Variants in ERCC6L2 observed in about 807,000 individuals in gnomAD.
ERCC6L2 encodes DNA excision repair protein ERCC-6-like 2.
In ERCC6L2, 77 loss-of-function variants were observed where a neutral mutation model predicts 132.0. That is an observed-to-expected ratio of 0.58 (90% CI 0.49 to 0.71). The LOEUF (loss-of-function observed/expected upper bound fraction) is 0.71. Ranked by LOEUF, ERCC6L2 falls within the 30% of genes least tolerant of loss-of-function variation. ERCC6L2 has a pLI of 0.00. For missense variants in ERCC6L2, 1,542 were observed against 1,837.6 expected (o/e 0.84, Z 2.94); for synonymous variants, 583 against 632.4 (o/e 0.92, Z 1.17).
chr9:95,934,559 T>C (rs2132834559), intron 11 of ERCC6L2, among the ~76,000 whole-genome samples: 1 of 152,174 alleles, frequency 6.6e-6, no homozygotes, highest in African/African-American at 2.4e-5. Context: ...GACAAAACTT[T>C]TGGCTTCCAT....
rs907823124 is a variant in ERCC6L2, at chr9:96,018,090, G to A, written c.*4887G>A. On this transcript the variant is annotated 3_prime_UTR_variant, in exon 19 of 19. Transcript: ENST00000653738. ...TGGTTGCTAGACGCTGGAGGGAGGG[G>A]AGAAAGGGGAGTTATTAATGGGTGT... 6.6e-6 allele frequency among the ~76,000 whole-genome samples: 1 copy of A among 152,198 alleles called. No individual in the cohort carries two copies. Among genetic ancestry groups the A allele is most frequent in the African/African-American group, 2.4e-5 (1 of 41,444 alleles).
chr9:96,031,451 G>C (rs965239105), intron 19 of ERCC6L2, among the ~76,000 whole-genome samples: 6 of 152,202 alleles, frequency 3.9e-5, no homozygotes, highest in Admixed American at 3.9e-4. Flanking sequence ...CCAACATGAT[G>C]TATCTGCCAC....
At chr9:95,951,061 A>G (rs1831308287) in intron 12 of ERCC6L2, among the ~76,000 whole-genome samples, 3 of 152,202 alleles carry the variant, frequency 2.0e-5, no homozygotes, top group Admixed American at 2.0e-4. Context: ...TCCAGGATAA[A>G]TCATGTGTTA....
chr9:96,039,636 G>A (rs1834556069), intron 20 of ERCC6L2, among the ~76,000 whole-genome samples: 1 of 152,112 alleles, frequency 6.6e-6, no homozygotes, highest in African/African-American at 2.4e-5. Context: ...AGAGATTACA[G>A]GTGGTGAAGG....
intron 13 of ERCC6L2, among the ~76,000 whole-genome samples, chr9:95,964,789 T>A (rs1832078741): frequency 6.6e-6 from 1 of 152,176 alleles, no homozygotes; most frequent in Non-Finnish European, 1.5e-5. Context: ...TGAACATGAT[T>A]TCATTTTTAG....
In ERCC6L2 at chr9:96,004,652, A is replaced by G. The variant is rs775469684; in HGVS notation, c.3625A>G (p.Thr1209Ala). The G allele has an allele frequency of 6.7e-6, 9 of 1,339,876 alleles. No homozygotes were observed. Among genetic ancestry groups the G allele is most frequent in the South Asian group, 2.4e-5 (2 of 83,470 alleles). 83.0% of individuals were successfully genotyped at this position (1,339,876 alleles called of 1,614,324 possible). A position where few individuals can be genotyped will look rare whatever the true frequency, so the allele number is the denominator to read the frequency against. ...VNQKKKKVYH[T>A]NQTTFIIGET... Reference sequence around the variant, plus strand: ...CCAGAAGAAGAAAAAAGTCTACCATACAAACCAGACCACCTTCATAATTGG... The same window carrying G: ...CCAGAAGAAGAAAAAAGTCTACCATGCAAACCAGACCACCTTCATAATTGG... The change falls in exon 18 of 19, where the codon ACA (threonine) becomes GCA (alanine). Residue 1209 changes from threonine to alanine, a missense_variant. By Grantham distance (58) the Thr-to-Ala change is moderately conservative. Coordinates refer to ENST00000653738, the MANE Select transcript of ERCC6L2 (RefSeq NM_020207.7).
At chr9:95,905,352 G>C (rs1236243798) in intron 3 of ERCC6L2, among the ~76,000 whole-genome samples, 1 of 152,102 alleles carries the variant, frequency 6.6e-6, no homozygotes, top group Non-Finnish European at 1.5e-5. Flanking sequence ...ACCAATGTTT[G>C]TAAGAAATAT....
At chr9:96,027,101 C>T (rs1413741907) in intron 19 of ERCC6L2, among the ~76,000 whole-genome samples, 2 of 149,230 alleles carry the variant, frequency 1.3e-5, no homozygotes, top group Admixed American at 1.3e-4. Flanking sequence ...CCCACCACCC[C>T]ACACACTACA....
intron 19 of ERCC6L2, among the ~76,000 whole-genome samples, chr9:96,025,050 A>G (rs1003083681): frequency 1.3e-5 from 2 of 152,154 alleles, no homozygotes; most frequent in African/African-American, 4.8e-5. Context: ...TAGTTCCTGA[A>G]CCACTGGAAT....
intron 11 of ERCC6L2, among the ~76,000 whole-genome samples, chr9:95,941,220 A>G (rs1830783023): frequency 6.6e-6 from 1 of 152,158 alleles, no homozygotes; most frequent in Non-Finnish European, 1.5e-5. Flanking sequence ...AGCACAAACT[A>G]TTTACGTGGG....
Position 96,016,365 on chromosome 9 carries a change from C to T in ERCC6L2, c.*3162C>T, listed in dbSNP as rs1211010919. On this transcript the variant is annotated 3_prime_UTR_variant, in exon 19 of 19. Coordinates refer to ENST00000653738, the MANE Select transcript of ERCC6L2 (RefSeq NM_020207.7). ...TGAGATCATTTCTAAGAAAACCTTT[C>T]AACTTTGTTTCCATGATGCTACTTG... 6.6e-6 allele frequency among the ~76,000 whole-genome samples: 1 copy of T among 152,212 alleles called. No homozygotes were observed. The highest frequency in any genetic ancestry group is 2.4e-5 in the African/African-American group (1 of 41,448).
At chr9:95,939,466 A>C (rs1218703292) in intron 11 of ERCC6L2, among the ~76,000 whole-genome samples, 5 of 152,120 alleles carry the variant, frequency 3.3e-5, no homozygotes, top group Admixed American at 2.6e-4. Context: ...CTTGAAAGAT[A>C]ATGCCACTTT....
At chr9:95,989,053 G>A (rs184358243) in intron 17 of ERCC6L2, among the ~76,000 whole-genome samples, 47 of 152,318 alleles carry the variant, frequency 3.1e-4, no homozygotes, top group African/African-American at 1.1e-3. Context: ...AGGTATGGGG[G>A]AAGAGGTGCA....
At position 95,907,856 on chromosome 9, in the gene ERCC6L2, C is replaced by CAAA. The variant is rs869053572; in HGVS notation, c.788+585_788+586insAAA. Among the ~76,000 whole-genome samples the CAAA allele has an allele frequency of 2.2e-3, 319 of 145,912 alleles. 4 individuals carry two copies. The highest frequency in any genetic ancestry group is 4.4e-3 in the African/African-American group (170 of 38,698). On this transcript the variant is annotated intron_variant, in intron 4 of 18. Transcript: ENST00000653738. ...ACACACACACACACACACACACACA[C>CAAA]CCCCACACCCACACACCCACTGTAG... is the stretch of plus-strand genomic sequence containing the variant.
At chr9:95,988,314 T>TA (rs1422297130) in intron 17 of ERCC6L2, among the ~76,000 whole-genome samples, 1 of 152,204 alleles carries the variant, frequency 6.6e-6, no homozygotes, top group African/African-American at 2.4e-5. Context: ...ATGAAGATAA[T>TA]ACCCCTTTAG....
intron 13 of ERCC6L2, among the ~76,000 whole-genome samples, chr9:95,964,115 G>GTT (rs1451019325): frequency 2.0e-5 from 3 of 152,064 alleles, no homozygotes; most frequent in Non-Finnish European, 4.4e-5. Context: ...CACTATAATG[G>GTT]TTGTCAGGTG....
chr9:95,919,308 ATACAAATATT>A (rs1829751276), intron 6 of ERCC6L2, among the ~76,000 whole-genome samples: 2 of 152,252 alleles, frequency 1.3e-5, no homozygotes, highest in Non-Finnish European at 2.9e-5. Flanking sequence ...TGATATAAGC[ATACAAATATT>A]TACAAATATT....
rs1020324135 is a variant in ERCC6L2, at chr9:95,875,692, G to C, written c.-347G>C. ...TGCGGGGGTTAGGAGACGGAAGTCAGAGCCTAGGAAGATTTGGGGGTCGCC... is the reference window on the plus strand; with the variant it reads ...TGCGGGGGTTAGGAGACGGAAGTCACAGCCTAGGAAGATTTGGGGGTCGCC... On this transcript the variant is annotated 5_prime_UTR_variant, in exon 1 of 19. Transcript: ENST00000653738. 1 of 372,518 alleles carries C rather than the reference G, an allele frequency of 2.7e-6. No individual in the cohort carries two copies. Among genetic ancestry groups the C allele is most frequent in the Admixed American group, 4.3e-5 (1 of 23,324 alleles). 23.1% of individuals were successfully genotyped at this position (372,518 alleles called of 1,614,324 possible).
intron 11 of ERCC6L2, among the ~76,000 whole-genome samples, chr9:95,933,845 C>CA (rs10609411): frequency 1.3e-4 from 15 of 119,464 alleles, no homozygotes; most frequent in South Asian, 2.9e-4. Flanking sequence ...GACTCTGTCT[C>CA]AAAAAAAAAA....
Sources: allele counts gnomAD v4.1 joint callset (sites outside exome capture counted in the v4.1 genomes callset), GRCh38; gene constraint gnomAD v4.1.1; transcripts MANE v1.5; gene names NCBI Gene and HGNC (gene_info 2026-07-23, HGNC 2026-07-21).